TRAPPC9: variants seen among roughly 807,000 people sequenced by gnomAD.
TRAPPC9 encodes the protein IKK2 binding protein.
TRAPPC9 carries 83 observed loss-of-function variants against 124.0 expected under a neutral mutation model. That is an observed-to-expected ratio of 0.67 (90% CI 0.56 to 0.80). TRAPPC9 has a LOEUF of 0.80. Among genes scored for constraint, TRAPPC9 ranks in the 30% least tolerant of loss-of-function variants. TRAPPC9 has a pLI of 0.00. For synonymous variants in TRAPPC9, 638 were observed against 617.5 expected, an observed-to-expected ratio of 1.03 and a Z score of -0.49; for missense variants, 1,302 against 1,508.3, an observed-to-expected ratio of 0.86 and a Z score of 2.27.
intron 5 of TRAPPC9, among the ~76,000 whole-genome samples, chr8:140,416,038 G>A (rs1261275267): frequency 6.6e-6 from 1 of 151,914 alleles, no homozygotes; most frequent in African/African-American, 2.4e-5. Context: ...AAAGCAAACA[G>A]AAAGAAGGAA....
intron 9 of TRAPPC9, among the ~76,000 whole-genome samples, chr8:140,355,981 A>G (rs1225340318): frequency 1.3e-5 from 2 of 152,234 alleles, no homozygotes; most frequent in African/African-American, 2.4e-5. Context: ...TTAAAAATAT[A>G]AACAGGATAA....
intron 9 of TRAPPC9, among the ~76,000 whole-genome samples, chr8:140,319,139 A>C (rs1357320799): frequency 6.6e-6 from 1 of 151,644 alleles, no homozygotes; most frequent in Non-Finnish European, 1.5e-5. Context: ...TAGTCAAATT[A>C]GAGCACCTAA....
At position 140,211,025 on chromosome 8, in the gene TRAPPC9, T is replaced by TA. The variant is rs750474367; in HGVS notation, c.2556+10433dup. Among the ~76,000 whole-genome samples the TA allele has an allele frequency of 2.5e-3, 385 of 151,682 alleles. 2 individuals carry two copies. Among genetic ancestry groups the TA allele is most frequent in the African/African-American group, 7.1e-3 (293 of 41,386 alleles). On this transcript the variant is annotated intron_variant, in intron 17 of 22. Transcript: ENST00000438773. ...GTATATCCTAGGGTTTTTTTTTTTT[T>TA]AAAAACTTGAATACATTTGCTCCTA... is the stretch of plus-strand genomic sequence containing the variant.
At chr8:139,790,348 C>T (rs776482641) in intron 21 of TRAPPC9, among the ~76,000 whole-genome samples, 3 of 152,120 alleles carry the variant, frequency 2.0e-5, no homozygotes, top group African/African-American at 4.8e-5. Flanking sequence ...AGAAACTGTG[C>T]GCTGAGAATG....
At chr8:140,231,788 A>G (rs2063604918) in intron 16 of TRAPPC9, among the ~76,000 whole-genome samples, 1 of 151,826 alleles carries the variant, frequency 6.6e-6, no homozygotes, top group Non-Finnish European at 1.5e-5. Flanking sequence ...CACATAAAAC[A>G]ACACTTTCCT....
In TRAPPC9 at chr8:140,451,196, G is replaced by C; in HGVS notation, c.178C>G (p.His60Asp). ...QRVLYIRYRH[H>D]YPPENNEWGD... ...CACTCGTTGTTCTCGGGTGGGTAGT[G>C]GTGCCTGTAGCGGATGTAGAGGACT... is the stretch of plus-strand genomic sequence containing the variant. The change falls in exon 2 of 23, where the codon CAC becomes GAC. Residue 60 changes from histidine to aspartate, a missense_variant. By Grantham distance (81) the His-to-Asp change is moderately conservative. Around this residue, in one of 3 missense-constraint regions of TRAPPC9, gnomAD observed 657 missense variants for 811.2 expected, o/e 0.81. Transcript: ENST00000438773. The C allele has an allele frequency of 2.5e-6, 4 of 1,614,134 alleles. No individual in the cohort carries two copies.
intron 21 of TRAPPC9, among the ~76,000 whole-genome samples, chr8:139,774,977 C>T (rs1005112611): frequency 6.6e-6 from 1 of 152,204 alleles, no homozygotes; most frequent in Non-Finnish European, 1.5e-5. Flanking sequence ...ATCATGTCGC[C>T]TCATGCAATG....
At chr8:139,834,301 C>G (rs1409770855) in intron 21 of TRAPPC9, among the ~76,000 whole-genome samples, 1 of 152,206 alleles carries the variant, frequency 6.6e-6, no homozygotes, top group African/African-American at 2.4e-5. Context: ...GCAGCAGAAA[C>G]CTGACGCAAC....
chr8:140,044,688 G>A (rs77924831), intron 17 of TRAPPC9, among the ~76,000 whole-genome samples: 2,535 of 152,332 alleles, frequency 0.017, 65 homozygotes, highest in African/African-American at 0.058. Context: ...GCACTGATAC[G>A]CAGGGCTTTC....
At chr8:140,344,841 C>T (rs902600704) in intron 9 of TRAPPC9, among the ~76,000 whole-genome samples, 5 of 152,270 alleles carry the variant, frequency 3.3e-5, no homozygotes, top group African/African-American at 7.2e-5. Context: ...CTTCCTGATA[C>T]GTGTCCTGGG....
chr8:140,022,057 G>T (rs1839862664), intron 18 of TRAPPC9, among the ~76,000 whole-genome samples: 1 of 152,212 alleles, frequency 6.6e-6, no homozygotes, highest in Non-Finnish European at 1.5e-5. Context: ...AAGCACCATG[G>T]ATGTCATAGG....
rs995008080 is a variant in TRAPPC9 at position 140,063,679 on chromosome 8, G to A, written c.2557-39600C>T. On this transcript the variant is annotated intron_variant, in intron 17 of 22. Coordinates refer to ENST00000438773, the MANE Select transcript of TRAPPC9 (RefSeq NM_001160372.4). The surrounding 1 kb of genome is among the most constrained non-coding windows in gnomAD (Gnocchi z 4.3). ...CTTTTTTCCATAAAAGAATTATTTC[G>A]GCAGGATGCTGAACTAATACTAACT... Among the ~76,000 whole-genome samples the A allele has an allele frequency of 1.3e-5, 2 of 152,066 alleles. No individual in the cohort carries two copies. Among genetic ancestry groups the A allele is most frequent in the African/African-American group, 4.8e-5 (2 of 41,382 alleles).
rs1262827261 is a variant in TRAPPC9, at chr8:140,104,521, G to A, written c.2557-80442C>T. ...CAAGTAGTATGATGGCACGATGGGG[G>A]GAGCTGTGAACTAGCTAGGGAAACA... On this transcript the variant is annotated intron_variant, in intron 17 of 22. Coordinates refer to ENST00000438773, the MANE Select transcript of TRAPPC9 (RefSeq NM_001160372.4). The surrounding 1 kb of genome is among the most constrained non-coding windows in gnomAD (Gnocchi z 4.0). Among the ~76,000 whole-genome samples the A allele has an allele frequency of 6.6e-6, 1 of 152,152 alleles. No homozygotes were observed. Among genetic ancestry groups the A allele is most frequent in the East Asian group, 1.9e-4 (1 of 5,192 alleles).
At chr8:140,204,346 C>A (rs917303856) in intron 17 of TRAPPC9, among the ~76,000 whole-genome samples, 1 of 151,938 alleles carries the variant, frequency 6.6e-6, no homozygotes, top group Admixed American at 6.6e-5. Flanking sequence ...AGCTGGAAAC[C>A]ATCATTCTGA....
intron 15 of TRAPPC9, among the ~76,000 whole-genome samples, chr8:140,270,211 G>A (rs925491138): frequency 2.0e-5 from 3 of 152,202 alleles, no homozygotes; most frequent in African/African-American, 7.2e-5. Context: ...GCCTCTCCGG[G>A]AAGGGGGCGG....
chr8:139,980,059 G>A (rs1836785446), intron 19 of TRAPPC9, among the ~76,000 whole-genome samples: 1 of 151,070 alleles, frequency 6.6e-6, no homozygotes, highest in Non-Finnish European at 1.5e-5. Context: ...ACCCCCCAGT[G>A]ACATCGCACC....
chr8:140,074,099 C>G (rs541525071), intron 17 of TRAPPC9, among the ~76,000 whole-genome samples: 1 of 152,160 alleles, frequency 6.6e-6, no homozygotes, highest in East Asian at 1.9e-4. Flanking sequence ...GAAGTGCTCC[C>G]GATCACGGAC....
chr8:140,015,607 G>A lies in TRAPPC9; in HGVS notation c.2699+8330C>T, dbSNP rs377704977. Among the ~76,000 whole-genome samples, 50 of 151,474 alleles carry A rather than the reference G, an allele frequency of 3.3e-4. No homozygotes were observed. In the East Asian group the frequency reaches 4.7e-3, roughly 14 times the overall value. On this transcript the variant is annotated intron_variant, in intron 18 of 22. Coordinates refer to ENST00000438773, the MANE Select transcript of TRAPPC9 (RefSeq NM_001160372.4). ...GTTAAGAGTCCAGCCTGGGCAACTT[G>A]GTGAAACCCTGTCTCTACTAAAAAT... is the stretch of plus-strand genomic sequence containing the variant.
chr8:140,235,560 T>C (rs1311004311), intron 16 of TRAPPC9, among the ~76,000 whole-genome samples: 3 of 152,202 alleles, frequency 2.0e-5, no homozygotes, highest in Non-Finnish European at 2.9e-5. Flanking sequence ...ACTGGCTACT[T>C]GGGAAAAGCA....
Sources: allele counts gnomAD v4.1 joint callset (sites outside exome capture counted in the v4.1 genomes callset), GRCh38; gene constraint gnomAD v4.1.1; regional missense constraint gnomAD v4.1.1; non-coding constraint Gnocchi (gnomAD v3.1); transcripts MANE v1.5; gene names NCBI Gene and HGNC (gene_info 2026-07-23, HGNC 2026-07-21).